VTI1A: variants seen among roughly 807,000 people sequenced by gnomAD.
VTI1A encodes vesicle transport through interaction with t-SNAREs 1A, also known as vesicle transport through interaction with t-SNAREs homolog 1A.
In VTI1A, 22 loss-of-function variants were observed where a neutral mutation model predicts 34.9. The observed-to-expected ratio is 0.63, with a 90% CI of 0.45 to 0.90. The LOEUF (loss-of-function observed/expected upper bound fraction) is 0.90. VTI1A is among the 40% of genes least tolerant of loss of function. The pLI, the probability that VTI1A is intolerant of heterozygous loss-of-function variation, is 0.00. For synonymous variants in VTI1A, 87 were observed against 97.3 expected (o/e 0.89, Z 0.62); for missense variants, 268 against 275.6 (o/e 0.97, Z 0.20).
intron 7 of VTI1A, among the ~76,000 whole-genome samples, chr10:112,694,218 T>TA (rs1395297768): frequency 6.6e-6 from 1 of 151,932 alleles, no homozygotes; most frequent in African/African-American, 2.4e-5. Context: ...AAAATATATA[T>TA]TTTTTATCTG....
At chr10:112,836,232 G>T in the VTI1A span, among the ~76,000 whole-genome samples, 2 of 152,154 alleles carry the variant, frequency 1.3e-5, no homozygotes, top group African/African-American at 2.4e-5. Flanking sequence ...AGTGCTGGGG[G>T]GTGCAAGTTA....
chr10:112,565,372 A>G (rs1307287533), intron 5 of VTI1A, among the ~76,000 whole-genome samples: 7 of 152,200 alleles, frequency 4.6e-5, no homozygotes, highest in Non-Finnish European at 1.0e-4. Context: ...GGTTTATGAA[A>G]GTGAAGGAAA....
At chr10:112,663,125 A>C (rs879533914) in intron 5 of VTI1A, among the ~76,000 whole-genome samples, 1 of 152,184 alleles carries the variant, frequency 6.6e-6, no homozygotes. Context: ...TTATTTGGCA[A>C]ATTTGAAGAT....
chr10:112,749,395 A>T (rs1000402671), intron 7 of VTI1A, among the ~76,000 whole-genome samples: 2 of 152,200 alleles, frequency 1.3e-5, no homozygotes, highest in Non-Finnish European at 1.5e-5. Context: ...ATGAATGAAG[A>T]TTGTCAAAAG....
At chr10:112,474,559 G>A (rs986398846) in intron 3 of VTI1A, among the ~76,000 whole-genome samples, 1 of 151,204 alleles carries the variant, frequency 6.6e-6, no homozygotes, top group Non-Finnish European at 1.5e-5. Flanking sequence ...AGGCTCAAGT[G>A]ATCTTCTCAC....
intron 2 of VTI1A, among the ~76,000 whole-genome samples, chr10:112,462,395 CTACTTT>C (rs1410268554): frequency 6.6e-6 from 1 of 152,110 alleles, no homozygotes; most frequent in Non-Finnish European, 1.5e-5. Flanking sequence ...TCTGTCTTAC[CTACTTT>C]TAATTTAGTT....
intron 3 of VTI1A, among the ~76,000 whole-genome samples, chr10:112,470,356 G>GT (rs1190079817): frequency 1.3e-5 from 2 of 152,156 alleles, no homozygotes; most frequent in Non-Finnish European, 2.9e-5. Flanking sequence ...TATTGTGTGC[G>GT]TAAGTACAGG....
At chr10:112,820,912 G>T (rs917062863), downstream of VTI1A, among the ~76,000 whole-genome samples, 13 of 152,148 alleles carry the variant, frequency 8.5e-5, no homozygotes, top group African/African-American at 3.1e-4. Context: ...GCAAGGGCAA[G>T]TAGGCCCCCT....
chr10:112,629,880 A>C (rs1369005971), intron 5 of VTI1A, among the ~76,000 whole-genome samples: 4 of 152,188 alleles, frequency 2.6e-5, no homozygotes, highest in African/African-American at 9.6e-5. Flanking sequence ...TATGCCATTC[A>C]TAAGTCTTTC....
intron 7 of VTI1A, among the ~76,000 whole-genome samples, chr10:112,748,094 A>G (rs973031748): frequency 2.0e-5 from 3 of 151,798 alleles, no homozygotes; most frequent in African/African-American, 7.3e-5. Context: ...GCTAAAGGTC[A>G]CTCAGCTAAT....
the VTI1A span, among the ~76,000 whole-genome samples, chr10:112,829,044 A>G: frequency 6.6e-6 from 1 of 152,114 alleles, no homozygotes; most frequent in Non-Finnish European, 1.5e-5. Context: ...CTGGAAAGAT[A>G]AGGCAGGCAG....
chr10:112,594,244 C>T (rs535433643), intron 5 of VTI1A, among the ~76,000 whole-genome samples: 33 of 152,254 alleles, frequency 2.2e-4, no homozygotes, highest in African/African-American at 7.9e-4. Flanking sequence ...TCACACCGTG[C>T]ACTTGTTATC....
chr10:112,855,199 G>T, the VTI1A span, among the ~76,000 whole-genome samples: 1 of 152,120 alleles, frequency 6.6e-6, no homozygotes, highest in Non-Finnish European at 1.5e-5. Flanking sequence ...GTCACTCTCT[G>T]CAGGCCCAAT....
intron 7 of VTI1A, among the ~76,000 whole-genome samples, chr10:112,776,768 C>T (rs763778545): frequency 6.7e-6 from 1 of 150,348 alleles, no homozygotes; most frequent in Non-Finnish European, 1.5e-5. Flanking sequence ...ACCTCTGCCT[C>T]CCAGAATCAA....
chr10:112,681,155 A>G (rs1003710230), intron 7 of VTI1A, among the ~76,000 whole-genome samples: 11 of 151,236 alleles, frequency 7.3e-5, no homozygotes, highest in Non-Finnish European at 1.3e-4. Context: ...AGCTCACTGC[A>G]ACCTCAACTT....
intron 5 of VTI1A, among the ~76,000 whole-genome samples, chr10:112,630,078 C>T (rs945050470): frequency 2.0e-5 from 3 of 152,178 alleles, no homozygotes; most frequent in Non-Finnish European, 2.9e-5. Flanking sequence ...ATGCCCACTT[C>T]GTTCCCAATT....
At chr10:112,702,429 G>C (rs542867950) in intron 7 of VTI1A, among the ~76,000 whole-genome samples, 1 of 152,118 alleles carries the variant, frequency 6.6e-6, no homozygotes, top group Non-Finnish European at 1.5e-5. Context: ...TTGTTCGTTT[G>C]TTTGTTTTCA....
At chr10:112,708,732 G>A (rs542297596) in intron 7 of VTI1A, among the ~76,000 whole-genome samples, 79 of 152,344 alleles carry the variant, frequency 5.2e-4, no homozygotes, top group Non-Finnish European at 9.3e-4. Flanking sequence ...AGTCTAGCTC[G>A]TGATGATCAA....
At chr10:112,688,960 T>C (rs1467804811) in intron 7 of VTI1A, among the ~76,000 whole-genome samples, 2 of 152,092 alleles carry the variant, frequency 1.3e-5, no homozygotes, top group Non-Finnish European at 2.9e-5. Flanking sequence ...TGACATTAAT[T>C]TGGTTTCAGA....
Sources: gnomAD v4.1 joint callset for allele counts (sites outside exome capture counted in the v4.1 genomes callset) on GRCh38, gnomAD v4.1.1 for gene constraint, MANE v1.5 for transcripts, NCBI Gene and HGNC (gene_info 2026-07-23, HGNC 2026-07-21) for gene names.